The following HS3ST4 variants were observed in gnomAD, a reference collection of about 807,000 sequenced individuals.
HS3ST4 encodes heparan sulfate-glucosamine 3-sulfotransferase 4.
HS3ST4 carries 17 observed loss-of-function variants against 29.2 expected under a neutral mutation model. The observed-to-expected ratio is 0.58, with a 90% CI of 0.40 to 0.87. The LOEUF is 0.87. HS3ST4 is among the 40% of genes least tolerant of loss of function. The pLI is 0.00. For synonymous variants in HS3ST4, 314 were observed against 285.7 expected (o/e 1.10, Z -1.00); for missense variants, 627 against 634.5 (o/e 0.99, Z 0.13).
chr16:26,009,266 G>A (rs895211632), intron 1 of HS3ST4, among the ~76,000 whole-genome samples: 1 of 152,272 alleles, frequency 6.6e-6, no homozygotes, highest in African/African-American at 2.4e-5. Flanking sequence ...ATTTGTCACT[G>A]TTAGAAATTT....
intron 1 of HS3ST4, among the ~76,000 whole-genome samples, chr16:25,878,710 T>C (rs1466684060): frequency 6.6e-6 from 1 of 152,178 alleles, no homozygotes; most frequent in Non-Finnish European, 1.5e-5. Flanking sequence ...AATTCAGCCT[T>C]CCACACCAGC....
chr16:25,722,724 C>T (rs1966506253), intron 1 of HS3ST4, among the ~76,000 whole-genome samples: 2 of 152,172 alleles, frequency 1.3e-5, no homozygotes, highest in Non-Finnish European at 2.9e-5. Context: ...GCATGACCTG[C>T]TGGCTGTGGG....
At chr16:25,868,548 A>G (rs2141658168) in intron 1 of HS3ST4, among the ~76,000 whole-genome samples, 1 of 152,304 alleles carries the variant, frequency 6.6e-6, no homozygotes, top group South Asian at 2.1e-4. Context: ...TTTAAATTGG[A>G]GAAGAAAATA....
At chr16:25,825,593 T>C (rs887047289) in intron 1 of HS3ST4, 3 of 152,252 alleles carry the variant, frequency 2.0e-5, no homozygotes. Context: ...CACATTGGTA[T>C]TCATAATATT....
chr16:25,843,809 C>G (rs1323272316), intron 1 of HS3ST4, among the ~76,000 whole-genome samples: 2 of 152,162 alleles, frequency 1.3e-5, no homozygotes, highest in Non-Finnish European at 1.5e-5. Flanking sequence ...TACTATCATG[C>G]AAGTCTTAGA....
At chr16:25,895,324 A>C (rs1968049554) in intron 1 of HS3ST4, among the ~76,000 whole-genome samples, 1 of 152,226 alleles carries the variant, frequency 6.6e-6, no homozygotes. Flanking sequence ...GACAAGGATC[A>C]GACAATGTAG....
chr16:25,866,150 A>G (rs1028614113), intron 1 of HS3ST4, among the ~76,000 whole-genome samples: 1 of 152,220 alleles, frequency 6.6e-6, no homozygotes, highest in African/African-American at 2.4e-5. Context: ...TTCTGTCTAC[A>G]AATACAGTCA....
chr16:25,948,347 T>A (rs1451233012), intron 1 of HS3ST4, among the ~76,000 whole-genome samples: 2 of 152,168 alleles, frequency 1.3e-5, no homozygotes, highest in Non-Finnish European at 2.9e-5. Flanking sequence ...TATGCAATTT[T>A]TTTTTTCAGA....
At chr16:25,970,044 A>G (rs1427640692) in intron 1 of HS3ST4, among the ~76,000 whole-genome samples, 1 of 152,240 alleles carries the variant, frequency 6.6e-6, no homozygotes, top group African/African-American at 2.4e-5. Context: ...GGGGAAATAA[A>G]TGGATAGTAC....
chr16:25,873,469 TCC>T (rs1491443703), intron 1 of HS3ST4, among the ~76,000 whole-genome samples: 4 of 81,000 alleles, frequency 4.9e-5, no homozygotes, highest in African/African-American at 1.5e-4. Flanking sequence ...TACCCACCCA[TCC>T]ATCTATCTCT....
intron 1 of HS3ST4, among the ~76,000 whole-genome samples, chr16:26,065,433 G>T (rs1158084551): frequency 6.6e-6 from 1 of 152,170 alleles, no homozygotes; most frequent in Non-Finnish European, 1.5e-5. Flanking sequence ...GAAAACACAT[G>T]GACACGCAGA....
chr16:26,104,484 A>G lies in HS3ST4; in HGVS notation c.735-31128A>G, dbSNP rs550054622. ...TGCTGGTTCCACTTGTTAAAAGTTA[A>G]GCAGATGCCTCTTTTGGAAGCTCTA... On this transcript the variant is annotated intron_variant, in intron 1 of 1. Coordinates refer to ENST00000331351, the MANE Select transcript of HS3ST4 (RefSeq NM_006040.3). 1.1e-4 allele frequency among the ~76,000 whole-genome samples: 16 copies of G among 152,324 alleles called. No individual in the cohort carries two copies. In the East Asian group the frequency reaches 3.1e-3, roughly 29 times the overall value.
intron 1 of HS3ST4, among the ~76,000 whole-genome samples, chr16:26,006,300 GAAAA>G (rs11461863): frequency 5.8e-5 from 4 of 68,668 alleles, no homozygotes; most frequent in Non-Finnish European, 9.8e-5. Context: ...CTCTGTTTCA[GAAAA>G]AAAAAAAAAA....
At chr16:25,733,345 T>A (rs1318967236) in intron 1 of HS3ST4, among the ~76,000 whole-genome samples, 1 of 152,212 alleles carries the variant, frequency 6.6e-6, no homozygotes, top group African/African-American at 2.4e-5. Flanking sequence ...ACAGGTTCAC[T>A]GAAAGTCCTC....
chr16:25,944,301 C>G (rs1174788334), intron 1 of HS3ST4, among the ~76,000 whole-genome samples: 1 of 152,188 alleles, frequency 6.6e-6, no homozygotes, highest in African/African-American at 2.4e-5. Flanking sequence ...AGGAATGGAG[C>G]AAAGTTCTGG....
intron 1 of HS3ST4, among the ~76,000 whole-genome samples, chr16:25,856,400 A>G (rs1023978669): frequency 2.0e-5 from 3 of 152,110 alleles, no homozygotes; most frequent in African/African-American, 7.2e-5. Context: ...TCACTAGTGG[A>G]CAATGATTTC....
chr16:25,893,134 A>G (rs1968026394), intron 1 of HS3ST4, among the ~76,000 whole-genome samples: 1 of 152,126 alleles, frequency 6.6e-6, no homozygotes, highest in Non-Finnish European at 1.5e-5. Flanking sequence ...GAGTGCCTGA[A>G]AAGACCAGAG....
intron 1 of HS3ST4, among the ~76,000 whole-genome samples, chr16:25,816,838 C>A (rs1055661252): frequency 6.6e-6 from 1 of 152,160 alleles, no homozygotes; most frequent in African/African-American, 2.4e-5. Flanking sequence ...CACAGGGCAT[C>A]ACATGGTGAG....
rs1371928058 is a variant in HS3ST4 at position 25,828,242 on chromosome 16, C to CTTTTTCTATCTA, written c.734+135092_734+135093insTTTTCTATCTAT. ...CTTTCCTTTCTTTCTTTCTTTCTTTCTCTTTCTTTCTTTCTTTCTTTCTTT... is the reference window on the plus strand; with the variant it reads ...CTTTCCTTTCTTTCTTTCTTTCTTTCTTTTTCTATCTATCTTTCTTTCTTTCTTTCTTTCTTT... On this transcript the variant is annotated intron_variant, in intron 1 of 1. Coordinates refer to ENST00000331351, the MANE Select transcript of HS3ST4 (RefSeq NM_006040.3). Among the ~76,000 whole-genome samples the CTTTTTCTATCTA allele has an allele frequency of 6.8e-4, 51 of 75,030 alleles. 2 individuals carry two copies. Among genetic ancestry groups the CTTTTTCTATCTA allele is most frequent in the Non-Finnish European group, 1.1e-3 (44 of 39,490 alleles). 49.2% of individuals were successfully genotyped at this position (75,030 alleles called of 152,430 possible).
Sources: gnomAD v4.1 joint callset for allele counts (sites outside exome capture counted in the v4.1 genomes callset) on GRCh38, gnomAD v4.1.1 for gene constraint, MANE v1.5 for transcripts, NCBI Gene and HGNC (gene_info 2026-07-23, HGNC 2026-07-21) for gene names.